Variants in CKAP5 observed in about 807,000 individuals in gnomAD.
CKAP5 encodes the protein cytoskeleton associated protein 5, also known as cytoskeleton-associated protein 5.
A neutral mutation model predicts 232.8 loss-of-function variants in CKAP5; 27 were observed. The ratio of observed to expected loss-of-function variants is 0.12; its 90% CI spans 0.09 to 0.16. The LOEUF (loss-of-function observed/expected upper bound fraction) is 0.16. Ranked by LOEUF, CKAP5 falls within the 10% of genes least tolerant of loss-of-function variation. CKAP5 has a pLI of 1.00. For synonymous variants in CKAP5, 785 were observed against 841.1 expected, an observed-to-expected ratio of 0.93 and a Z score of 1.16; for missense variants, 1,838 against 2,424.7, an observed-to-expected ratio of 0.76 and a Z score of 5.08.
rs778352413 is a variant in CKAP5, at chr11:46,759,484, C to G, written c.4395-42G>C. On this transcript the variant is annotated intron_variant, in intron 33 of 43. Transcript: ENST00000529230. The stretch of plus-strand genomic sequence containing the variant: ...GAGGCTCCTGAACTAAAAGAGACTT[C>G]TTAACCAAAGGGCAAGAGTAGCACT... The G allele has an allele frequency of 2.7e-5, 42 of 1,579,106 alleles. No homozygotes were observed. In the South Asian group the frequency reaches 4.6e-4, roughly 17 times the overall value.
chr11:46,761,508 T>G (rs910880451), intron 32 of CKAP5, among the ~76,000 whole-genome samples: 4 of 152,092 alleles, frequency 2.6e-5, no homozygotes, highest in African/African-American at 9.7e-5. Flanking sequence ...ATGGTGACAC[T>G]ATGAGGTAAC....
At chr11:46,772,993 T>C (rs2065260793) in intron 24 of CKAP5, among the ~76,000 whole-genome samples, 1 of 152,148 alleles carries the variant, frequency 6.6e-6, no homozygotes, top group African/African-American at 2.4e-5. Context: ...GCCCCCGCCT[T>C]GGCCTTCCAA....
At chr11:46,772,232 C>T (rs554120504) in intron 24 of CKAP5, among the ~76,000 whole-genome samples, 1 of 152,040 alleles carries the variant, frequency 6.6e-6, no homozygotes, top group African/African-American at 2.4e-5. Flanking sequence ...TACTGGCTTA[C>T]AAATCTTTTC....
At chr11:46,770,251 T>TCA in intron 25 of CKAP5, 153 bp from the exon 26 acceptor site, 1 of 725,556 alleles carries the variant, frequency 1.4e-6, no homozygotes, top group Non-Finnish European at 2.3e-6. Flanking sequence ...GTCAGAGAAG[T>TCA]CACACACATT....
At chr11:46,841,036 A>C (rs1940040681) in intron 1 of CKAP5, among the ~76,000 whole-genome samples, 1 of 152,142 alleles carries the variant, frequency 6.6e-6, no homozygotes, top group Non-Finnish European at 1.5e-5. Flanking sequence ...TGGGAGGCTG[A>C]GGCGGGCGGA....
rs767058323 is a variant in CKAP5, at chr11:46,818,466, A to G, written c.95T>C (p.Leu32Pro). The change falls in exon 3 of 44, where the codon CTG becomes CCG. Residue 32 changes from leucine (L) to proline (P), a missense_variant. By Grantham distance (98) the Leu-to-Pro change is moderately conservative. Around this residue, in one of 6 missense-constraint regions of CKAP5, gnomAD observed 285 missense variants for 300.0 expected, o/e 0.95. Coordinates refer to ENST00000529230, the MANE Select transcript of CKAP5 (RefSeq NM_001008938.4). ...KARLSGYEEA[L>P]KIFQKIKDEK... ...ATCCTTTATTTTCTGGAAGATCTTC[A>G]GGGCCTCTTCATACCCACTTAACCT... is the stretch of plus-strand genomic sequence containing the variant. The G allele has an allele frequency of 3.7e-6, 6 of 1,607,668 alleles. No homozygotes were observed. Among genetic ancestry groups the G allele is most frequent in the Admixed American group, 1.7e-5 (1 of 58,816 alleles).
At chr11:46,759,099 G>T in intron 34 of CKAP5, 56 bp from the exon 35 acceptor site, 2 of 1,593,972 alleles carry the variant, frequency 1.3e-6, no homozygotes, top group Non-Finnish European at 1.7e-6. Context: ...ATCCCAGTCA[G>T]TTGGAGTTAT....
At chr11:46,829,766 A>G (rs780136809) in intron 1 of CKAP5, among the ~76,000 whole-genome samples, 41 of 152,080 alleles carry the variant, frequency 2.7e-4, no homozygotes, top group Middle Eastern at 3.2e-3. Flanking sequence ...AAATGTGCCT[A>G]TGTGGAAGAA....
At chr11:46,821,294 C>T in intron 1 of CKAP5, 26 bp from the exon 2 acceptor site, 8 of 1,126,830 alleles carry the variant, frequency 7.1e-6, no homozygotes, top group Non-Finnish European at 9.3e-6. Context: ...TAGAAACCTG[C>T]TTAGCAACCA....
chr11:46,839,308 AAAG>A (rs1424515966), intron 1 of CKAP5, among the ~76,000 whole-genome samples: 1 of 152,182 alleles, frequency 6.6e-6, no homozygotes, highest in East Asian at 1.9e-4. Context: ...CAAAGACCGA[AAAG>A]AATAAGCGTA....
chr11:46,781,990 TA>T (rs1031100573), intron 18 of CKAP5, among the ~76,000 whole-genome samples: 1 of 152,054 alleles, frequency 6.6e-6, no homozygotes, highest in African/African-American at 2.4e-5. Flanking sequence ...CACACCCAGC[TA>T]ATTTTGTATT....
At chr11:46,768,639 T>C (rs1314118987) in intron 26 of CKAP5, among the ~76,000 whole-genome samples, 1 of 151,874 alleles carries the variant, frequency 6.6e-6, no homozygotes, top group Non-Finnish European at 1.5e-5. Flanking sequence ...TGGAGTGCAG[T>C]GGTGCGATCG....
At chr11:46,808,644 ATG>A (rs1178224642) in intron 7 of CKAP5, among the ~76,000 whole-genome samples, 2 of 152,238 alleles carry the variant, frequency 1.3e-5, no homozygotes, top group Non-Finnish European at 2.9e-5. Flanking sequence ...TTTTCATAAG[ATG>A]TTATAACTAA....
chr11:46,778,437 C>T, intron 21 of CKAP5, 23 bp downstream of exon 21: 1 of 1,613,024 alleles, frequency 6.2e-7, no homozygotes, highest in East Asian at 2.2e-5. Context: ...ATGAAATAAA[C>T]CATTTCACAG....
rs772079643 is a variant in CKAP5 at position 46,807,995 on chromosome 11, TG to T, written c.978+35del. 5 of 1,437,864 alleles carry T rather than the reference TG, an allele frequency of 3.5e-6. No individual in the cohort carries two copies. In the African/African-American group the frequency reaches 4.2e-5, roughly 12 times the overall value. 89.1% of individuals were successfully genotyped at this position (1,437,864 alleles called of 1,614,324 possible). A position where few individuals can be genotyped will look rare whatever the true frequency, so the allele number is the denominator to read the frequency against. Reference sequence around the variant, plus strand: ...ATGAGAAATTCAAAGGCCTGATGGCTGTTACAATACCAGTACTGCAAGTCCT... The same window carrying T: ...ATGAGAAATTCAAAGGCCTGATGGCTTTACAATACCAGTACTGCAAGTCCT... On this transcript the variant is annotated intron_variant, in intron 8 of 43. Coordinates refer to ENST00000529230, the MANE Select transcript of CKAP5 (RefSeq NM_001008938.4).
chr11:46,803,081 T>C (rs538558494), intron 8 of CKAP5, among the ~76,000 whole-genome samples: 2 of 151,704 alleles, frequency 1.3e-5, no homozygotes, highest in African/African-American at 4.8e-5. Context: ...CTGGGCAACA[T>C]AGCGAAACCC....
intron 5 of CKAP5, among the ~76,000 whole-genome samples, 179 bp from the exon 6 acceptor site, chr11:46,810,053 C>T (rs1939241419): frequency 2.6e-5 from 4 of 152,038 alleles, no homozygotes; most frequent in Admixed American, 2.0e-4. Flanking sequence ...CTCACTGCAA[C>T]CTCCACCTCT....
At chr11:46,830,054 G>T (rs1165357316) in intron 1 of CKAP5, among the ~76,000 whole-genome samples, 1 of 152,088 alleles carries the variant, frequency 6.6e-6, no homozygotes. Flanking sequence ...GATTGTTTGG[G>T]TGGGTAAAGG....
At chr11:46,813,380 T>C (rs1939319217) in intron 4 of CKAP5, among the ~76,000 whole-genome samples, 1 of 152,110 alleles carries the variant, frequency 6.6e-6, no homozygotes, top group African/African-American at 2.4e-5. Flanking sequence ...CATCTGAATC[T>C]TTTTTCTCTA....
Sources: gnomAD v4.1 joint callset for allele counts (sites outside exome capture counted in the v4.1 genomes callset) on GRCh38, gnomAD v4.1.1 for gene constraint, gnomAD v4.1.1 regional missense constraint, MANE v1.5 for transcripts, NCBI Gene and HGNC (gene_info 2026-07-23, HGNC 2026-07-21) for gene names.